GREB1: variants seen among roughly 807,000 people sequenced by gnomAD.
GREB1 encodes the protein growth regulating estrogen receptor binding 1, also known as protein GREB1.
Under a neutral mutation model 200.7 loss-of-function variants are expected in GREB1, and 106 were observed. The ratio of observed to expected loss-of-function variants is 0.53; its 90% confidence interval spans 0.45 to 0.62. The LOEUF (loss-of-function observed/expected upper bound fraction) is 0.62. Among genes scored for constraint, GREB1 ranks in the 20% least tolerant of loss-of-function variants. The probability of loss-of-function intolerance (pLI) is 0.00; values close to 1 mark genes in which losing one functional copy is unlikely to be tolerated. For missense variants in GREB1, 2,243 were observed against 2,556.8 expected (o/e 0.88, Z 2.65); for synonymous variants, 1,132 against 1,092.4 (o/e 1.04, Z -0.72).
chr2:11,544,866 G>T (rs1384977535), intron 1 of GREB1, among the ~76,000 whole-genome samples: 1 of 152,226 alleles, frequency 6.6e-6, no homozygotes, highest in African/African-American at 2.4e-5. Flanking sequence ...CCAGGCTGGA[G>T]TGCAGTAGTG....
chr2:11,593,610 C>T (rs557298249), intron 11 of GREB1, among the ~76,000 whole-genome samples: 1 of 152,206 alleles, frequency 6.6e-6, no homozygotes, highest in Non-Finnish European at 1.5e-5. Flanking sequence ...CCTCAGCCTC[C>T]CAAGTAGCTG....
chr2:11,626,433 C>CA (rs1192653072), intron 24 of GREB1, among the ~76,000 whole-genome samples: 1 of 151,980 alleles, frequency 6.6e-6, no homozygotes, highest in Non-Finnish European at 1.5e-5. Flanking sequence ...ACAAAAAATG[C>CA]AAAAATTAGC....
At chr2:11,630,192 T>TATCGGTGTCTGCACTCCCTCACA in intron 26 of GREB1, 83 bp downstream of exon 26, 1 of 1,377,304 alleles carries the variant, frequency 7.3e-7, no homozygotes, top group Non-Finnish European at 1.0e-6. Context: ...GAGCTTCCTG[T>TATCGGTGTCTGCACTCCCTCACA]GAGGGAGTGC....
chr2:11,624,897 G>T (rs1684314649), intron 23 of GREB1, among the ~76,000 whole-genome samples: 1 of 151,964 alleles, frequency 6.6e-6, no homozygotes, highest in Admixed American at 6.6e-5. Context: ...TTCCAATGTG[G>T]CCCAGGGAAT....
chr2:11,530,479 A>G (rs1043939199), upstream of GREB1, among the ~76,000 whole-genome samples: 1 of 151,452 alleles, frequency 6.6e-6, no homozygotes, highest in African/African-American at 2.4e-5. Flanking sequence ...GAGGCAGGGG[A>G]ATCGCTTGAA....
At chr2:11,595,516 C>T in intron 12 of GREB1, 137 bp downstream of exon 12, 1 of 784,372 alleles carries the variant, frequency 1.3e-6, no homozygotes, top group Non-Finnish European at 2.0e-6. Flanking sequence ...TCATTCTGTG[C>T]ACTTGCACTT....
In GREB1 at chr2:11,633,609, A is replaced by C. The variant is rs1164772295; in HGVS notation, c.4992-522A>C. The stretch of plus-strand genomic sequence containing the variant: ...AAAAATTGTTATTGAAGTATAATGC[A>C]GAAAATCACACTATCCATTTAGTAT... On this transcript the variant is annotated intron_variant, in intron 28 of 32. Coordinates refer to ENST00000381486, the MANE Select transcript of GREB1 (RefSeq NM_014668.4). This position sits in a 1 kb window ranked among gnomAD's most constrained non-coding sequence, Gnocchi z 4.1. Among the ~76,000 whole-genome samples the C allele has an allele frequency of 6.6e-6, 1 of 152,108 alleles. No individual in the cohort carries two copies. Among genetic ancestry groups the C allele is most frequent in the Non-Finnish European group, 1.5e-5 (1 of 68,020 alleles).
rs900175150 is a variant in GREB1 at position 11,597,093 on chromosome 2, G to A, written c.1955-688G>A. On this transcript the variant is annotated intron_variant, in intron 13 of 32. Coordinates refer to ENST00000381486, the MANE Select transcript of GREB1 (RefSeq NM_014668.4). This position sits in a 1 kb window ranked among gnomAD's most constrained non-coding sequence, Gnocchi z 4.1. ...CAGGTGTGCTAAGTGGGTGCTGAGG[G>A]GACAGAGGGCTCATGTGTGCTCGGT... Among the ~76,000 whole-genome samples the A allele has an allele frequency of 6.6e-6, 1 of 152,030 alleles. No homozygotes were observed. Among genetic ancestry groups the A allele is most frequent in the East Asian group, 1.9e-4 (1 of 5,192 alleles).
intron 2 of GREB1, chr2:11,561,566 T>C (rs1026133074): frequency 6.6e-6 from 1 of 152,098 alleles, no homozygotes; most frequent in Non-Finnish European, 1.5e-5. Context: ...GGTTTCATCA[T>C]GTTGGCCAGG....
At chr2:11,521,188 G>A (rs2148472050) in intron 1 of GREB1, among the ~76,000 whole-genome samples, 1 of 152,162 alleles carries the variant, frequency 6.6e-6, no homozygotes, top group East Asian at 1.9e-4. Flanking sequence ...GTTCACTGTA[G>A]CCTTGACCTC....
chr2:11,547,728 T>C (rs1487000484), intron 1 of GREB1, among the ~76,000 whole-genome samples: 1 of 152,190 alleles, frequency 6.6e-6, no homozygotes, highest in Non-Finnish European at 1.5e-5. Flanking sequence ...TTAAAACCAT[T>C]TTTAAATTCT....
intron 14 of GREB1, 86 bp from the exon 15 acceptor site, chr2:11,598,594 T>TG: frequency 8.4e-7 from 1 of 1,185,108 alleles, no homozygotes; most frequent in Non-Finnish European, 1.2e-6. Context: ...ACCTGCTGTG[T>TG]AGGAGTCGCT....
intron 9 of GREB1, chr2:11,588,523 G>A: frequency 3.3e-6 from 2 of 602,688 alleles, no homozygotes; most frequent in South Asian, 1.9e-5. Context: ...GAACCAGCAA[G>A]TGGCACAGCC....
At chr2:11,544,867 T>A (rs1675113105) in intron 1 of GREB1, among the ~76,000 whole-genome samples, 1 of 152,184 alleles carries the variant, frequency 6.6e-6, no homozygotes, top group Non-Finnish European at 1.5e-5. Flanking sequence ...CAGGCTGGAG[T>A]GCAGTAGTGC....
intron 1 of GREB1, among the ~76,000 whole-genome samples, chr2:11,525,314 G>A (rs1203857581): frequency 1.6e-4 from 25 of 151,954 alleles, no homozygotes. Flanking sequence ...AGACCAACCT[G>A]GCCAACATGG....
chr2:11,497,413 G>A (rs1672916831), intron 1 of GREB1, among the ~76,000 whole-genome samples: 1 of 152,198 alleles, frequency 6.6e-6, no homozygotes, highest in Admixed American at 6.5e-5. Flanking sequence ...TGGCTCTTAT[G>A]AATAAAGCTG....
intron 4 of GREB1, 87 bp from the exon 5 acceptor site, chr2:11,576,266 C>T: frequency 1.9e-6 from 2 of 1,069,082 alleles, no homozygotes; most frequent in African/African-American, 1.6e-5. Context: ...GAGATCGCAC[C>T]ATTGCATTCC....
At chr2:11,609,532 C>G (rs1682731146) in intron 17 of GREB1, among the ~76,000 whole-genome samples, 1 of 152,120 alleles carries the variant, frequency 6.6e-6, no homozygotes, top group African/African-American at 2.4e-5. Context: ...CATTATTTGA[C>G]AGGTGCACCA....
At position 11,493,491 on chromosome 2, in the gene GREB1, C is replaced by T. The variant is rs535108161; in HGVS notation, c.-159+11110C>T. Among the ~76,000 whole-genome samples, 33 of 152,230 alleles carry T rather than the reference C, an allele frequency of 2.2e-4. No homozygotes were observed. The highest frequency in any genetic ancestry group is 1.9e-3 in the Admixed American group (29 of 15,286). On this transcript the variant is annotated intron_variant, in intron 1 of 2. Transcript: ENST00000628795. The surrounding 1 kb of genome is among the most constrained non-coding windows in gnomAD (Gnocchi z 4.6). ...AGGTGGTAATGACAGCAATGGGGAG[C>T]GACTGTAAATACAGATGAAACTTCT...
Sources: allele counts gnomAD v4.1 joint callset (sites outside exome capture counted in the v4.1 genomes callset), GRCh38; gene constraint gnomAD v4.1.1; non-coding constraint Gnocchi (gnomAD v3.1); transcripts MANE v1.5; gene names NCBI Gene and HGNC (gene_info 2026-07-23, HGNC 2026-07-21).